EXOSC6: variants seen among roughly 807,000 people sequenced by gnomAD.
EXOSC6 encodes the protein exosome complex component MTR3.
EXOSC6 carries 21 observed loss-of-function variants against 16.7 expected under a neutral mutation model. The ratio of observed to expected loss-of-function variants is 1.26; its 90% CI spans 0.89 to 1.82. The LOEUF (loss-of-function observed/expected upper bound fraction) is 1.82, where lower values mean the gene tolerates loss of function less well. EXOSC6 is among the 40% of genes most tolerant of loss of function. The probability of loss-of-function intolerance (pLI) is 0.00; values close to 1 mark genes in which losing one functional copy is unlikely to be tolerated. For missense variants in EXOSC6, 538 were observed against 415.7 expected, an observed-to-expected ratio of 1.29 and a Z score of -2.56; for synonymous variants, 297 against 217.1, an observed-to-expected ratio of 1.37 and a Z score of -3.24.
In EXOSC6 at chr16:70,251,178, T is replaced by G; in HGVS notation, c.723A>C (p.Val241=). 6 of 1,525,414 alleles carry G rather than the reference T, an allele frequency of 3.9e-6. No individual in the cohort carries two copies. The highest frequency in any genetic ancestry group is 5.2e-6 in the Non-Finnish European group (6 of 1,145,432). The allele number at this position is 1,525,414 out of a possible 1,614,324, so 94.5% of individuals were successfully genotyped here. The change falls in exon 1 of 1, where the codon GTA becomes GTC. Residue 241 remains valine, a synonymous_variant. Coordinates refer to ENST00000435634, the MANE Select transcript of EXOSC6 (RefSeq NM_058219.3). ...GCTGGCAGCCCTCGAGGCCCAGGCG[T>G]ACGGCCTCCGCCCAGCTCTCTGTCA... ...GGLTESWAEA[V]RLGLEGCQRL... is the part of the protein sequence containing the mutation.
Position 70,250,666 on chromosome 16 carries a change from C to CAAAAAAAAAAAAAAAA in EXOSC6, c.*400_*415dup, listed in dbSNP as rs11332602. The CAAAAAAAAAAAAAAAA allele has an allele frequency of 2.6e-5, 2 of 77,378 alleles. No individual in the cohort carries two copies. The highest frequency in any genetic ancestry group is 2.6e-5 in the Non-Finnish European group (1 of 38,336). 4.8% of individuals were successfully genotyped at this position (77,378 alleles called of 1,614,324 possible). A position where few individuals can be genotyped will look rare whatever the true frequency, so the allele number is the denominator to read the frequency against. On this transcript the variant is annotated 3_prime_UTR_variant, in exon 1 of 1. Coordinates refer to ENST00000435634, the MANE Select transcript of EXOSC6 (RefSeq NM_058219.3). ...CCTGGGCAACAGAACAAGACTCCATCAAAAAAAAAAAAAAAAAAAAAAGAA... is the reference window on the plus strand; with the variant it reads ...CCTGGGCAACAGAACAAGACTCCATCAAAAAAAAAAAAAAAAAAAAAAAAAAAAAAAAAAAAAAGAA...
At position 70,249,933 on chromosome 16, in the gene EXOSC6, AGAGT is replaced by A. The variant is rs1016168095; in HGVS notation, c.*1145_*1148del. ...GCCATTGCACTCCAGCCTGGGCAAC[AGAGT>A]GAGACTCTGTCTCAAAAAATAAATA... On this transcript the variant is annotated 3_prime_UTR_variant, in exon 1 of 1. Coordinates refer to ENST00000435634, the MANE Select transcript of EXOSC6 (RefSeq NM_058219.3). The A allele has an allele frequency of 2.6e-5, 4 of 152,266 alleles. No individual in the cohort carries two copies. Among genetic ancestry groups the A allele is most frequent in the African/African-American group, 7.2e-5 (3 of 41,430 alleles). The allele number at this position is 152,266 out of a possible 1,614,324, so 9.4% of individuals were successfully genotyped here.
At position 70,247,202 on chromosome 16, in the gene EXOSC6, CCAGCCTGGACAATA is replaced by C. The variant is rs1467665947; in HGVS notation, c.*3866_*3879del. The C allele has an allele frequency of 5.8e-6, 1 of 171,504 alleles. No individual in the cohort carries two copies. Among genetic ancestry groups the C allele is most frequent in the East Asian group, 1.8e-4 (1 of 5,536 alleles). The allele number at this position is 171,504 out of a possible 1,614,324, so 10.6% of individuals were successfully genotyped here. A position where few individuals can be genotyped will look rare whatever the true frequency, so the allele number is the denominator to read the frequency against. On this transcript the variant is annotated 3_prime_UTR_variant, in exon 1 of 1. Coordinates refer to ENST00000435634, the MANE Select transcript of EXOSC6 (RefSeq NM_058219.3). ...TGAGCTGAGATTGCACCGCTGCACTCCAGCCTGGACAATACAGCCAGACTCCATCTCAAAAAAAA... is the reference window on the plus strand; with the variant it reads ...TGAGCTGAGATTGCACCGCTGCACTCCAGCCAGACTCCATCTCAAAAAAAA...
Position 70,249,711 on chromosome 16 carries a change from G to A in EXOSC6, c.*1371C>T, listed in dbSNP as rs1959764460. The A allele has an allele frequency of 2.0e-5, 3 of 152,124 alleles. No individual in the cohort carries two copies. The highest frequency in any genetic ancestry group is 7.2e-5 in the African/African-American group (3 of 41,424). 9.4% of individuals were successfully genotyped at this position (152,124 alleles called of 1,614,324 possible). On this transcript the variant is annotated 3_prime_UTR_variant, in exon 1 of 1. Coordinates refer to ENST00000435634, the MANE Select transcript of EXOSC6 (RefSeq NM_058219.3). ...GAGGAAAAAAATCTTATAACTTTGG[G>A]AGGCTGAGGCAGATGGATCACTGAG...
At position 70,246,782 on chromosome 16, in the gene EXOSC6, T is replaced by C. The variant is rs891247484; in HGVS notation, c.*4300A>G. The C allele has an allele frequency of 2.7e-5, 16 of 589,988 alleles. No homozygotes were observed. The Admixed American group carries it at 3.6e-4, about 13-fold the overall frequency. 36.5% of individuals were successfully genotyped at this position (589,988 alleles called of 1,614,324 possible). ...CAGGAAAATAAAAGAACTACATTTCTGACAACAATGAAATAGTTTATTTTC... is the reference window on the plus strand; with the variant it reads ...CAGGAAAATAAAAGAACTACATTTCCGACAACAATGAAATAGTTTATTTTC... On this transcript the variant is annotated 3_prime_UTR_variant, in exon 1 of 1. Transcript: ENST00000435634.
chr16:70,251,897 G>T lies in EXOSC6; in HGVS notation c.4C>A (p.Pro2Thr). M[P>T]GDHRRIRGPE... ...CCGCGGATGCGGCGGTGATCCCCAGGCATGGCGGTTCTTGGCGTGCGAACC... is the reference window on the plus strand; with the variant it reads ...CCGCGGATGCGGCGGTGATCCCCAGTCATGGCGGTTCTTGGCGTGCGAACC... Residue 2 changes from proline (P) to threonine (T), a missense_variant, in exon 1 of 1, where the codon CCT becomes ACT. Transcript: ENST00000435634. 1 of 1,533,956 alleles carries T rather than the reference G, an allele frequency of 6.5e-7. No homozygotes were observed. Among genetic ancestry groups the T allele is most frequent in the Non-Finnish European group, 8.7e-7 (1 of 1,150,764 alleles).
Position 70,251,483 on chromosome 16 carries a change from G to A in EXOSC6, c.418C>T (p.Pro140Ser). 3.0e-6 allele frequency: 4 copies of A among 1,322,252 alleles called. No individual in the cohort carries two copies. Among genetic ancestry groups the A allele is most frequent in the Non-Finnish European group, 3.9e-6 (4 of 1,034,068 alleles). The allele number at this position is 1,322,252 out of a possible 1,614,324, so 81.9% of individuals were successfully genotyped here. A position where few individuals can be genotyped will look rare whatever the true frequency, so the allele number is the denominator to read the frequency against. Residue 140 changes from proline (P) to serine (S), a missense_variant, in exon 1 of 1, where the codon CCG (proline) becomes TCG (serine). By Grantham distance (74) the Pro-to-Ser change is moderately conservative (BLOSUM62 -1). Coordinates refer to ENST00000435634, the MANE Select transcript of EXOSC6 (RefSeq NM_058219.3). Reference sequence around the variant, plus strand: ...GCCGACACCTCGAGCTGCGCGCGCGGGTAGCGGCCCAGGCGCACAGCCGGC... The same window carrying A: ...GCCGACACCTCGAGCTGCGCGCGCGAGTAGCGGCCCAGGCGCACAGCCGGC... ...LEPAVRLGRY[P>S]RAQLEVSALL... is the part of the protein sequence containing the mutation.
chr16:70,251,226 C>A lies in EXOSC6; in HGVS notation c.675G>T (p.Leu225=), dbSNP rs370392673. ...LMPVLNQVAG[L]LGSGEGGLTE... ...TCAGGCCGCCCTCGCCGCTGCCCAG[C>A]AGCCCGGCCACCTGATTCAGCACAG... Residue 225 remains leucine, a synonymous_variant, in exon 1 of 1, where the codon CTG becomes CTT. Transcript: ENST00000435634. 254 of 1,506,840 alleles carry A rather than the reference C, an allele frequency of 1.7e-4. No individual in the cohort carries two copies. The highest frequency in any genetic ancestry group is 2.1e-4 in the Non-Finnish European group (237 of 1,135,256). 93.3% of individuals were successfully genotyped at this position (1,506,840 alleles called of 1,614,324 possible). A position where few individuals can be genotyped will look rare whatever the true frequency, so the allele number is the denominator to read the frequency against.
chr16:70,250,033 A>G lies in EXOSC6; in HGVS notation c.*1049T>C, dbSNP rs577905465. 5.9e-5 allele frequency: 9 copies of G among 152,326 alleles called. No homozygotes were observed. The South Asian group carries it at 1.9e-3, about 32-fold the overall frequency. 9.4% of individuals were successfully genotyped at this position (152,326 alleles called of 1,614,324 possible). On this transcript the variant is annotated 3_prime_UTR_variant, in exon 1 of 1. Coordinates refer to ENST00000435634, the MANE Select transcript of EXOSC6 (RefSeq NM_058219.3). Reference sequence around the variant, plus strand: ...GACAAAGGCAGCCTAGGAATTCTAGATGAATGGAATGAATACAACTTGCTG... The same window carrying G: ...GACAAAGGCAGCCTAGGAATTCTAGGTGAATGGAATGAATACAACTTGCTG...
rs918298675 is a variant in EXOSC6, at chr16:70,251,662, CCGCCGCCGCGCT to C, written c.227_238del (p.Glu76_Gly79del). The C allele has an allele frequency of 4.1e-6, 5 of 1,213,436 alleles. No individual in the cohort carries two copies. In the African/African-American group the frequency reaches 6.4e-5, roughly 15 times the overall value. The allele number at this position is 1,213,436 out of a possible 1,614,324, so 75.2% of individuals were successfully genotyped here. A position where few individuals can be genotyped will look rare whatever the true frequency, so the allele number is the denominator to read the frequency against. ...GGCCTCGCCGCCTGCTCCGGCCGGG[CCGCCGCCGCGCT>C]CGCCGCCCTCGGCCTGTCGCGGGCC... On this transcript the variant is annotated inframe_deletion, in exon 1 of 1. Transcript: ENST00000435634.
In EXOSC6 at chr16:70,251,074, C is replaced by A. The variant is rs756533043; in HGVS notation, c.*8G>T. ...CGGCTTGCGTCCGTAGTTGCTCAGG[C>A]TTCTGGTTCAGGGCTGGGCGGCGGC... is the stretch of plus-strand genomic sequence containing the variant. On this transcript the variant is annotated 3_prime_UTR_variant, in exon 1 of 1. Transcript: ENST00000435634. 3.4e-6 allele frequency: 5 copies of A among 1,456,878 alleles called. No individual in the cohort carries two copies. The African/African-American group carries it at 7.4e-5, about 22-fold the overall frequency. The allele number at this position is 1,456,878 out of a possible 1,614,324, so 90.2% of individuals were successfully genotyped here. A position where few individuals can be genotyped will look rare whatever the true frequency, so the allele number is the denominator to read the frequency against.
In EXOSC6 at chr16:70,251,482, G is replaced by C; in HGVS notation, c.419C>G (p.Pro140Arg). 7.6e-7 allele frequency: 1 copy of C among 1,323,398 alleles called. No individual in the cohort carries two copies. The highest frequency in any genetic ancestry group is 9.7e-7 in the Non-Finnish European group (1 of 1,034,852). The allele number at this position is 1,323,398 out of a possible 1,614,324, so 82.0% of individuals were successfully genotyped here. A position where few individuals can be genotyped will look rare whatever the true frequency, so the allele number is the denominator to read the frequency against. ...CGCCGACACCTCGAGCTGCGCGCGC[G>C]GGTAGCGGCCCAGGCGCACAGCCGG... The part of the protein sequence containing the change: ...LEPAVRLGRY[P>R]RAQLEVSALL... The change falls in exon 1 of 1, where the codon CCG becomes CGG. Residue 140 changes from proline to arginine, a missense_variant. Coordinates refer to ENST00000435634, the MANE Select transcript of EXOSC6 (RefSeq NM_058219.3).
In EXOSC6 at chr16:70,248,971, A is replaced by G. The variant is rs1216582668; in HGVS notation, c.*2111T>C. The G allele has an allele frequency of 6.8e-6, 1 of 146,118 alleles. No individual in the cohort carries two copies. The highest frequency in any genetic ancestry group is 1.5e-5 in the Non-Finnish European group (1 of 66,786). 9.1% of individuals were successfully genotyped at this position (146,118 alleles called of 1,614,324 possible). A position where few individuals can be genotyped will look rare whatever the true frequency, so the allele number is the denominator to read the frequency against. Reference sequence around the variant, plus strand: ...AGAACACTCCTTATATTTCCTTTATATTTTGTAAACTACATACCCAAAATA... The same window carrying G: ...AGAACACTCCTTATATTTCCTTTATGTTTTGTAAACTACATACCCAAAATA... On this transcript the variant is annotated 3_prime_UTR_variant, in exon 1 of 1. Coordinates refer to ENST00000435634, the MANE Select transcript of EXOSC6 (RefSeq NM_058219.3).
rs201937001 is a variant in EXOSC6 at position 70,247,189 on chromosome 16, G to T, written c.*3893C>A. 1.9e-4 allele frequency: 47 copies of T among 241,530 alleles called. No homozygotes were observed. The East Asian group carries it at 6.8e-3, about 35-fold the overall frequency. 15.0% of individuals were successfully genotyped at this position (241,530 alleles called of 1,614,324 possible). ...GCAGAGGTTGCAGTGAGCTGAGATTGCACCGCTGCACTCCAGCCTGGACAA... is the reference window on the plus strand; with the variant it reads ...GCAGAGGTTGCAGTGAGCTGAGATTTCACCGCTGCACTCCAGCCTGGACAA... On this transcript the variant is annotated 3_prime_UTR_variant, in exon 1 of 1. Transcript: ENST00000435634.
In EXOSC6 at chr16:70,247,064, C is replaced by T; in HGVS notation, c.*4018G>A. On this transcript the variant is annotated 3_prime_UTR_variant, in exon 1 of 1. Transcript: ENST00000435634. ...CTACATAAAAAACTGAGTATGAGAC[C>T]AAGAAAAATAGATTCTGTAGTTTTA... 2.8e-6 allele frequency: 1 copy of T among 363,268 alleles called. No homozygotes were observed. Among genetic ancestry groups the T allele is most frequent in the East Asian group, 8.2e-5 (1 of 12,194 alleles). The allele number at this position is 363,268 out of a possible 1,614,324, so 22.5% of individuals were successfully genotyped here. A position where few individuals can be genotyped will look rare whatever the true frequency, so the allele number is the denominator to read the frequency against.
Position 70,250,870 on chromosome 16 carries a change from C to T in EXOSC6, c.*212G>A. On this transcript the variant is annotated 3_prime_UTR_variant, in exon 1 of 1. Coordinates refer to ENST00000435634, the MANE Select transcript of EXOSC6 (RefSeq NM_058219.3). ...GTCCAGCTCCACCACAAGCGCAGCT[C>T]CAGGGGCTGTTGAGTTTTGCCTTTA... is the stretch of plus-strand genomic sequence containing the variant. The T allele has an allele frequency of 2.0e-6, 1 of 509,952 alleles. No homozygotes were observed. Among genetic ancestry groups the T allele is most frequent in the Non-Finnish European group, 3.2e-6 (1 of 314,616 alleles). 31.6% of individuals were successfully genotyped at this position (509,952 alleles called of 1,614,324 possible). A position where few individuals can be genotyped will look rare whatever the true frequency, so the allele number is the denominator to read the frequency against.
In EXOSC6 at chr16:70,250,229, A is replaced by C. The variant is rs532805334; in HGVS notation, c.*853T>G. On this transcript the variant is annotated 3_prime_UTR_variant, in exon 1 of 1. Coordinates refer to ENST00000435634, the MANE Select transcript of EXOSC6 (RefSeq NM_058219.3). ...AAACTAGAAGCAAAAACAAACAGGA[A>C]ACCATCTCTACATTTTTTTTACTCA... The C allele has an allele frequency of 1.3e-5, 2 of 149,968 alleles. No homozygotes were observed. Among genetic ancestry groups the C allele is most frequent in the South Asian group, 2.1e-4 (1 of 4,830 alleles). 9.3% of individuals were successfully genotyped at this position (149,968 alleles called of 1,614,324 possible). A position where few individuals can be genotyped will look rare whatever the true frequency, so the allele number is the denominator to read the frequency against.
chr16:70,250,815 C>G lies in EXOSC6; in HGVS notation c.*267G>C. 2.6e-6 allele frequency: 1 copy of G among 390,578 alleles called. No homozygotes were observed. The highest frequency in any genetic ancestry group is 4.5e-6 in the Non-Finnish European group (1 of 222,018). 24.2% of individuals were successfully genotyped at this position (390,578 alleles called of 1,614,324 possible). A position where few individuals can be genotyped will look rare whatever the true frequency, so the allele number is the denominator to read the frequency against. ...TTGAGACTGCAGAAAGAAACCCTGTCTCTAAAAAAAAGGTCCAGGTAATTT... is the reference window on the plus strand; with the variant it reads ...TTGAGACTGCAGAAAGAAACCCTGTGTCTAAAAAAAAGGTCCAGGTAATTT... On this transcript the variant is annotated 3_prime_UTR_variant, in exon 1 of 1. Transcript: ENST00000435634.
In EXOSC6 at chr16:70,249,497, T is replaced by G. The variant is rs1406980457; in HGVS notation, c.*1585A>C. On this transcript the variant is annotated 3_prime_UTR_variant, in exon 1 of 1. Coordinates refer to ENST00000435634, the MANE Select transcript of EXOSC6 (RefSeq NM_058219.3). ...TTTACACATAATTATCTTATACCGT[T>G]TGGAATAAGAATTTGGGGCACGTTA... is the stretch of plus-strand genomic sequence containing the variant. 1.3e-5 allele frequency: 2 copies of G among 152,118 alleles called. No homozygotes were observed. Among genetic ancestry groups the G allele is most frequent in the Non-Finnish European group, 2.9e-5 (2 of 68,024 alleles). The allele number at this position is 152,118 out of a possible 1,614,324, so 9.4% of individuals were successfully genotyped here.
Sources: gnomAD v4.1 joint callset for allele counts on GRCh38, gnomAD v4.1.1 for gene constraint, MANE v1.5 for transcripts, NCBI Gene and HGNC (gene_info 2026-07-23, HGNC 2026-07-21) for gene names.